ZNF804B: variants seen among roughly 807,000 people sequenced by gnomAD.
ZNF804B encodes zinc finger 804B.
Under a neutral mutation model 101.4 loss-of-function variants are expected in ZNF804B, and 80 were observed. The observed-to-expected ratio is 0.79, with a 90% confidence interval of 0.66 to 0.95. ZNF804B has a LOEUF of 0.95. Ranked by LOEUF, ZNF804B falls within the 40% of genes least tolerant of loss-of-function variation. The pLI is 0.00. For synonymous variants in ZNF804B, 622 were observed against 558.8 expected, an observed-to-expected ratio of 1.11 and a Z score of -1.59; for missense variants, 1,673 against 1,561.9, an observed-to-expected ratio of 1.07 and a Z score of -1.20.
At chr7:88,792,791 T>C (rs1790399983) in intron 1 of ZNF804B, among the ~76,000 whole-genome samples, 1 of 152,120 alleles carries the variant, frequency 6.6e-6, no homozygotes, top group South Asian at 2.1e-4. Context: ...TGTTACTAAC[T>C]TGAAAGAAAC....
chr7:88,882,278 A>C (rs921463957), intron 1 of ZNF804B, among the ~76,000 whole-genome samples: 18 of 152,306 alleles, frequency 1.2e-4, no homozygotes, highest in Admixed American at 3.9e-4. Flanking sequence ...AAAAATGCTC[A>C]ACGTCAGTAA....
intron 1 of ZNF804B, among the ~76,000 whole-genome samples, chr7:89,215,954 T>A (rs2115690827): frequency 6.6e-6 from 1 of 151,500 alleles, no homozygotes; most frequent in African/African-American, 2.4e-5. Flanking sequence ...AACAAAGGAA[T>A]CCCTAGTTTC....
intron 2 of ZNF804B, among the ~76,000 whole-genome samples, chr7:89,277,487 CCCCCCT>C (rs1790005297): frequency 2.3e-4 from 5 of 22,004 alleles, no homozygotes; most frequent in Non-Finnish European, 4.6e-4. Flanking sequence ...CCTCCCCCCT[CCCCCCT>C]CCCCCCTACC....
intron 1 of ZNF804B, among the ~76,000 whole-genome samples, chr7:88,975,814 C>T (rs955403145): frequency 2.6e-5 from 4 of 151,116 alleles, no homozygotes; most frequent in African/African-American, 9.7e-5. Flanking sequence ...TGGTTGCATA[C>T]AAAGTTGAGT....
At chr7:88,959,767 T>A (rs1793363537) in intron 1 of ZNF804B, among the ~76,000 whole-genome samples, 2 of 151,416 alleles carry the variant, frequency 1.3e-5, no homozygotes, top group Admixed American at 1.3e-4. Context: ...GGGATGGAAG[T>A]GGTTTATAGC....
intron 2 of ZNF804B, among the ~76,000 whole-genome samples, chr7:89,306,114 A>G (rs1053429249): frequency 2.6e-5 from 4 of 152,018 alleles, no homozygotes; most frequent in Admixed American, 1.3e-4. Context: ...GACTTACCCA[A>G]ACAGATTTCA....
chr7:89,272,308 C>A (rs1258310333), intron 2 of ZNF804B, among the ~76,000 whole-genome samples: 2 of 152,054 alleles, frequency 1.3e-5, no homozygotes, highest in African/African-American at 4.8e-5. Flanking sequence ...TTTGATCATA[C>A]TTAATTTATT....
At chr7:89,249,714 C>T (rs772614454) in intron 2 of ZNF804B, among the ~76,000 whole-genome samples, 6 of 152,012 alleles carry the variant, frequency 3.9e-5, no homozygotes, top group Non-Finnish European at 5.9e-5. Context: ...AATCAAACAT[C>T]GCACCTACAG....
intron 1 of ZNF804B, among the ~76,000 whole-genome samples, chr7:88,907,842 A>G (rs1255016640): frequency 6.6e-6 from 1 of 152,038 alleles, no homozygotes; most frequent in Non-Finnish European, 1.5e-5. Context: ...AATCCATGCT[A>G]GCCGACTTAA....
intron 1 of ZNF804B, among the ~76,000 whole-genome samples, chr7:89,093,528 A>T (rs1271165587): frequency 6.6e-6 from 1 of 152,242 alleles, no homozygotes; most frequent in African/African-American, 2.4e-5. Flanking sequence ...ACAAATGTAA[A>T]GTTTCATGAA....
chr7:88,907,273 T>G (rs897712421), intron 1 of ZNF804B, among the ~76,000 whole-genome samples: 4 of 152,038 alleles, frequency 2.6e-5, no homozygotes, highest in Non-Finnish European at 4.4e-5. Context: ...GGTTGAGTCT[T>G]GTCTTTTTAT....
At chr7:89,272,952 A>G (rs1789920460) in intron 2 of ZNF804B, among the ~76,000 whole-genome samples, 1 of 151,482 alleles carries the variant, frequency 6.6e-6, no homozygotes, top group Non-Finnish European at 1.5e-5. Context: ...TAATGCACGG[A>G]AAAAAAAATA....
chr7:89,163,773 A>G (rs902419393), intron 1 of ZNF804B, among the ~76,000 whole-genome samples: 2 of 152,116 alleles, frequency 1.3e-5, no homozygotes, highest in Non-Finnish European at 2.9e-5. Flanking sequence ...CATTTTCTGC[A>G]TAGATCTTCA....
intron 1 of ZNF804B, among the ~76,000 whole-genome samples, chr7:88,978,259 C>A (rs11982334): frequency 0.39 from 58,297 of 151,376 alleles, 13,274 homozygotes; most frequent in African/African-American, 0.64. Context: ...AGTGAACATT[C>A]AGTCTGAGTT....
At chr7:89,071,478 C>A (rs1789538251) in intron 1 of ZNF804B, among the ~76,000 whole-genome samples, 1 of 152,082 alleles carries the variant, frequency 6.6e-6, no homozygotes, top group Non-Finnish European at 1.5e-5. Context: ...TAAGGACACT[C>A]ACCCAAAGGC....
At chr7:88,953,209 C>T (rs1793251306) in intron 1 of ZNF804B, among the ~76,000 whole-genome samples, 2 of 151,716 alleles carry the variant, frequency 1.3e-5, no homozygotes, top group African/African-American at 4.8e-5. Flanking sequence ...TACTTTCATT[C>T]TCCAGTTTGC....
chr7:89,016,814 A>G (rs1472337149), intron 1 of ZNF804B, among the ~76,000 whole-genome samples: 1 of 152,208 alleles, frequency 6.6e-6, no homozygotes, highest in Non-Finnish European at 1.5e-5. Flanking sequence ...TGACTTGGCG[A>G]TGCGGGCTCC....
At chr7:89,059,940 C>T (rs894444735) in intron 1 of ZNF804B, among the ~76,000 whole-genome samples, 5 of 151,954 alleles carry the variant, frequency 3.3e-5, no homozygotes, top group African/African-American at 1.2e-4. Flanking sequence ...GGTGAATTGT[C>T]TTTCTTTGAG....
intron 1 of ZNF804B, among the ~76,000 whole-genome samples, chr7:88,888,440 T>C: frequency 6.6e-6 from 1 of 152,236 alleles, no homozygotes; most frequent in South Asian, 2.1e-4. Context: ...TACAATTAGT[T>C]ATCATCACCA....
Sources: allele counts gnomAD v4.1 joint callset (sites outside exome capture counted in the v4.1 genomes callset), GRCh38; gene constraint gnomAD v4.1.1; transcripts MANE v1.5; gene names NCBI Gene and HGNC (gene_info 2026-07-23, HGNC 2026-07-21).